The following REG1A variants were observed in gnomAD, a reference collection of about 807,000 sequenced individuals.
The protein encoded by REG1A is lithostathine-1-alpha.
Under a neutral mutation model 20.7 loss-of-function variants are expected in REG1A, and 20 were observed. That is an observed-to-expected ratio of 0.97 (90% CI 0.68 to 1.41). The LOEUF (loss-of-function observed/expected upper bound fraction) is 1.41, where lower values mean the gene tolerates loss of function less well. REG1A is among the 40% of genes most tolerant of loss of function. The probability of loss-of-function intolerance (pLI) is 0.00; values close to 1 mark genes in which losing one functional copy is unlikely to be tolerated. For missense variants in REG1A, 193 were observed against 201.8 expected (o/e 0.96, Z 0.26); for synonymous variants, 90 against 71.6 (o/e 1.26, Z -1.30).
Position 79,121,928 on chromosome 2 carries a change from A to G in REG1A, c.184-60A>G, listed in dbSNP as rs1572941513. The G allele has an allele frequency of 1.3e-5, 21 of 1,598,020 alleles. No individual in the cohort carries two copies. In the East Asian group the frequency reaches 4.5e-4, roughly 34 times the overall value. ...TTTTTCTGACCCGTCCTCTTGGAGG[A>G]CTCAGTATATCCGTCACAACTTCCT... On this transcript the variant is annotated intron_variant, in intron 3 of 5. Transcript: ENST00000233735.
chr2:79,121,516 T>C, intron 2 of REG1A, 46 bp from the exon 3 acceptor site: 1 of 1,524,472 alleles, frequency 6.6e-7, no homozygotes, highest in Non-Finnish European at 9.1e-7. Context: ...CCTTCAAGCC[T>C]TTTCCTTACC....
chr2:79,120,676 C>A, intron 1 of REG1A, 140 bp from the exon 2 acceptor site: 1 of 454,756 alleles, frequency 2.2e-6, no homozygotes, highest in Non-Finnish European at 3.9e-6. Context: ...ATAATCCCCA[C>A]TCTCAAGAGA....
rs113485193 is a variant in REG1A, at chr2:79,120,891, G to C, written c.30G>C (p.Leu10=). The change falls in exon 2 of 6, where the codon CTG becomes CTC. Residue 10 remains leucine, a synonymous_variant. Coordinates refer to ENST00000233735, the MANE Select transcript of REG1A (RefSeq NM_002909.5). ...CTCAGACCAGCTCATACTTCATGCT[G>C]ATCTCCTGCCTGATGTTTCTGTCTC... is the stretch of plus-strand genomic sequence containing the variant. MAQTSSYFM[L]ISCLMFLSQS... 861 of 1,613,152 alleles carry C rather than the reference G, an allele frequency of 5.3e-4. 2 individuals are homozygous for C. In the African/African-American group the frequency reaches 0.01, roughly 20 times the overall value.
In REG1A at chr2:79,122,904, C is replaced by T. The variant is rs1672908216; in HGVS notation, c.385C>T (p.Pro129Ser). The change falls in exon 5 of 6, where the codon CCA (proline) becomes TCA (serine). Residue 129 changes from proline to serine, a missense_variant. Transcript: ENST00000233735. ...VSYKSWGIGA[P>S]SSVNPGYCVS... is the part of the protein sequence containing the mutation. ...CTACAAGTCCTGGGGCATTGGAGCC[C>T]CAAGCAGTGTTAATCCTGGCTACTG... is the stretch of plus-strand genomic sequence containing the variant. 6.2e-7 allele frequency: 1 copy of T among 1,613,866 alleles called. No individual in the cohort carries two copies. The highest frequency in any genetic ancestry group is 1.7e-5 in the Admixed American group (1 of 59,988).
chr2:79,120,494 C>G lies in REG1A; in HGVS notation c.-67C>G, dbSNP rs1672867113. The G allele has an allele frequency of 5.2e-6, 1 of 192,932 alleles. No homozygotes were observed. The highest frequency in any genetic ancestry group is 2.3e-5 in the African/African-American group (1 of 43,200). 12.0% of individuals were successfully genotyped at this position (192,932 alleles called of 1,614,324 possible). A position where few individuals can be genotyped will look rare whatever the true frequency, so the allele number is the denominator to read the frequency against. On this transcript the variant is annotated 5_prime_UTR_variant, in exon 1 of 6. Transcript: ENST00000233735. ...CCTACAGCTACCTGGCCTGAGAAGC[C>G]AACTCAGACTCAGCCAACAGGTAAG...
intron 2 of REG1A, among the ~76,000 whole-genome samples, chr2:79,121,340 G>A (rs536484792): frequency 6.6e-6 from 1 of 152,264 alleles, no homozygotes; most frequent in East Asian, 1.9e-4. Context: ...GACATAAAAG[G>A]GAAACTGGAG....
At chr2:79,122,757 A>G in intron 4 of REG1A, 84 bp from the exon 5 acceptor site, 2 of 872,964 alleles carry the variant, frequency 2.3e-6, no homozygotes, top group Non-Finnish European at 3.8e-6. Context: ...GTGTCTTAGC[A>G]TGTTTCTGAG....
chr2:79,121,843 C>T, intron 3 of REG1A, 145 bp from the exon 4 acceptor site: 1 of 1,364,630 alleles, frequency 7.3e-7, no homozygotes, highest in Non-Finnish European at 1.0e-6. Context: ...TCAGCACATT[C>T]CCAGCACAAA....
Position 79,120,837 on chromosome 2 carries a change from A to G in REG1A, c.-25A>G, listed in dbSNP as rs201879315. 2 of 1,584,660 alleles carry G rather than the reference A, an allele frequency of 1.3e-6. No homozygotes were observed. Among genetic ancestry groups the G allele is most frequent in the Non-Finnish European group, 8.6e-7 (1 of 1,159,336 alleles). ...ATAGAGATTGTTGATTTGCCTCTTAAGCAAGAGATTCATTGCAGCTCAGCA... is the reference window on the plus strand; with the variant it reads ...ATAGAGATTGTTGATTTGCCTCTTAGGCAAGAGATTCATTGCAGCTCAGCA... On this transcript the variant is annotated 5_prime_UTR_variant, in exon 2 of 6. Coordinates refer to ENST00000233735, the MANE Select transcript of REG1A (RefSeq NM_002909.5).
intron 4 of REG1A, among the ~76,000 whole-genome samples, chr2:79,122,354 C>T (rs1672900318): frequency 6.6e-6 from 1 of 152,138 alleles, no homozygotes; most frequent in Non-Finnish European, 1.5e-5. Flanking sequence ...ATTCTGTTTT[C>T]AGTCAACAAA....
chr2:79,120,990 T>C, intron 2 of REG1A, 65 bp downstream of exon 2: 2 of 1,215,138 alleles, frequency 1.6e-6, no homozygotes, highest in Non-Finnish European at 2.3e-6. Flanking sequence ...TCCCCAAGCA[T>C]ACGGGTCTAC....
At chr2:79,123,019 G>A in intron 5 of REG1A, 67 bp downstream of exon 5, 2 of 1,486,716 alleles carry the variant, frequency 1.3e-6, no homozygotes, top group East Asian at 2.3e-5. Flanking sequence ...ATGGAACTGG[G>A]ACTGGGATAG....
Position 79,120,822 on chromosome 2 carries a change from T to G in REG1A, c.-40T>G. On this transcript the variant is annotated 5_prime_UTR_variant, in exon 2 of 6. Coordinates refer to ENST00000233735, the MANE Select transcript of REG1A (RefSeq NM_002909.5). ...TCTCTGTGTTCTCCTATAGAGATTG[T>G]TGATTTGCCTCTTAAGCAAGAGATT... 11 of 1,554,820 alleles carry G rather than the reference T, an allele frequency of 7.1e-6. No individual in the cohort carries two copies. The highest frequency in any genetic ancestry group is 9.7e-6 in the Non-Finnish European group (11 of 1,134,092).
chr2:79,121,759 G>A (rs1252401563), intron 3 of REG1A, 79 bp downstream of exon 3: 14 of 1,410,382 alleles, frequency 9.9e-6, no homozygotes, highest in African/African-American at 1.4e-5. Flanking sequence ...TTCAGTGGCT[G>A]CAATGAGATG....
intron 2 of REG1A, among the ~76,000 whole-genome samples, chr2:79,121,220 C>G: frequency 6.6e-6 from 1 of 152,132 alleles, no homozygotes; most frequent in East Asian, 1.9e-4. Context: ...TGTGTGTAGA[C>G]AGTCACTAAT....
intron 1 of REG1A, 150 bp from the exon 2 acceptor site, chr2:79,120,666 A>G: frequency 2.2e-6 from 1 of 450,098 alleles, no homozygotes; most frequent in Non-Finnish European, 4.0e-6. Context: ...CTGAGTCTGT[A>G]TAATCCCCAC....
intron 1 of REG1A, 62 bp from the exon 2 acceptor site, chr2:79,120,754 G>T (rs1672870682): frequency 2.6e-6 from 2 of 757,090 alleles, no homozygotes. Context: ...GAGGTTTTAA[G>T]GAAGGTAATA....
At position 79,121,692 on chromosome 2, in the gene REG1A, G is replaced by C. The variant is rs1221944983; in HGVS notation, c.183+12G>C. ...GGGTTGATGCAGATGTGAGTGAGGA[G>C]AGCAGTGTGGGAAGGGAGACTCATG... On this transcript the variant is annotated intron_variant, in intron 3 of 5. Coordinates refer to ENST00000233735, the MANE Select transcript of REG1A (RefSeq NM_002909.5). 1.9e-6 allele frequency: 3 copies of C among 1,610,652 alleles called. No individual in the cohort carries two copies. The highest frequency in any genetic ancestry group is 4.5e-5 in the East Asian group (2 of 44,848).
chr2:79,120,700 G>A (rs1672870140), intron 1 of REG1A, 116 bp from the exon 2 acceptor site: 2 of 470,096 alleles, frequency 4.3e-6, no homozygotes, highest in Non-Finnish European at 7.6e-6. Flanking sequence ...ATTTGAAGGT[G>A]TGGGTGTCTC....
Sources: gnomAD v4.1 joint callset for allele counts (sites outside exome capture counted in the v4.1 genomes callset) on GRCh38, gnomAD v4.1.1 for gene constraint, MANE v1.5 for transcripts, NCBI Gene and HGNC (gene_info 2026-07-23, HGNC 2026-07-21) for gene names.